Variants in MED13L observed in about 807,000 individuals in gnomAD.
MED13L encodes mediator complex subunit 13L.
A neutral mutation model predicts 220.9 loss-of-function variants in MED13L; 7 were observed. The ratio of observed to expected loss-of-function variants is 0.03; its 90% CI spans 0.02 to 0.06. The LOEUF (loss-of-function observed/expected upper bound fraction) is 0.06. MED13L is among the 10% of genes least tolerant of loss of function. The probability of loss-of-function intolerance (pLI) is 1.00; values close to 1 mark genes in which losing one functional copy is unlikely to be tolerated. For missense variants in MED13L, 1,965 were observed against 2,760.5 expected (o/e 0.71, Z 6.46); for synonymous variants, 1,011 against 1,015.2 (o/e 1.00, Z 0.08).
At position 116,019,875 on chromosome 12, in the gene MED13L, A is replaced by G; in HGVS notation, c.723T>C (p.Tyr241=). ...TCTTTTTTAGCACCATCGGGTAGAAATACTGCCATTCCTCAATCAACTTAC... is the reference window on the plus strand; with the variant it reads ...TCTTTTTTAGCACCATCGGGTAGAAGTACTGCCATTCCTCAATCAACTTAC... ...ATRKLIEEWQ[Y]FYPMVLKKKE... The change falls in exon 6 of 31, where the codon TAT becomes TAC. Residue 241 remains tyrosine (Y), a synonymous_variant. Coordinates refer to ENST00000281928, the MANE Select transcript of MED13L (RefSeq NM_015335.5). The G allele has an allele frequency of 1.9e-6, 3 of 1,613,894 alleles. No homozygotes were observed. The highest frequency in any genetic ancestry group is 1.1e-5 in the South Asian group (1 of 91,078).
At chr12:116,102,557 C>G (rs1873144460) in intron 3 of MED13L, among the ~76,000 whole-genome samples, 1 of 151,734 alleles carries the variant, frequency 6.6e-6, no homozygotes, top group South Asian at 2.1e-4. Context: ...GCTCACCATT[C>G]CAATCCAAAT....
intron 4 of MED13L, among the ~76,000 whole-genome samples, chr12:116,068,024 C>T (rs905288291): frequency 3.9e-5 from 6 of 152,184 alleles, no homozygotes; most frequent in Non-Finnish European, 8.8e-5. Flanking sequence ...TTAGATACCA[C>T]AATTGCTGAC....
intron 2 of MED13L, among the ~76,000 whole-genome samples, chr12:116,157,543 C>T (rs1258150206): frequency 6.6e-6 from 1 of 152,202 alleles, no homozygotes; most frequent in South Asian, 2.1e-4. Flanking sequence ...TCTTTGGCAA[C>T]GGTTTTGTCT....
At chr12:116,010,425 A>C (rs1275418879) in intron 9 of MED13L, among the ~76,000 whole-genome samples, 1 of 152,200 alleles carries the variant, frequency 6.6e-6, no homozygotes, top group East Asian at 1.9e-4. Flanking sequence ...TTTGAGAGAC[A>C]CTTTATGATA....
chr12:116,272,262 T>C (rs1873432500), intron 1 of MED13L, among the ~76,000 whole-genome samples: 1 of 152,122 alleles, frequency 6.6e-6, no homozygotes, highest in Non-Finnish European at 1.5e-5. Flanking sequence ...TGGTAAGGAA[T>C]ACAATTAAAA....
At chr12:116,092,152 T>C (rs938894705) in intron 4 of MED13L, among the ~76,000 whole-genome samples, 1 of 152,180 alleles carries the variant, frequency 6.6e-6, no homozygotes, top group East Asian at 1.9e-4. Flanking sequence ...TATTAACAGA[T>C]AGGCACCACA....
intron 12 of MED13L, 40 bp from the exon 13 acceptor site, chr12:116,006,033 C>A: frequency 1.2e-6 from 2 of 1,612,710 alleles, no homozygotes; most frequent in Non-Finnish European, 1.7e-6. Context: ...TAAACAACTC[C>A]ACCAAGCGCA....
At chr12:116,152,631 G>C (rs1241901362) in intron 2 of MED13L, among the ~76,000 whole-genome samples, 4 of 152,112 alleles carry the variant, frequency 2.6e-5, no homozygotes, top group South Asian at 2.1e-4. Flanking sequence ...AATGGCGTGG[G>C]GGGGAAAGCA....
intron 23 of MED13L, 81 bp downstream of exon 23, chr12:115,980,669 A>G: frequency 6.8e-7 from 1 of 1,461,012 alleles, no homozygotes; most frequent in Non-Finnish European, 9.6e-7. Context: ...GCAACCAGCC[A>G]ATCTCTGGGT....
chr12:116,242,691 C>T (rs1470716662), intron 1 of MED13L, among the ~76,000 whole-genome samples: 1 of 152,152 alleles, frequency 6.6e-6, no homozygotes. Context: ...GAGCACCATA[C>T]TAGTGACTTC....
At chr12:116,225,925 T>C in intron 2 of MED13L, among the ~76,000 whole-genome samples, 1 of 152,172 alleles carries the variant, frequency 6.6e-6, no homozygotes, top group East Asian at 1.9e-4. Context: ...AAAGAAAATA[T>C]TTTGCATATG....
At chr12:116,125,647 C>G (rs758764053) in intron 2 of MED13L, among the ~76,000 whole-genome samples, 2 of 152,090 alleles carry the variant, frequency 1.3e-5, no homozygotes, top group Non-Finnish European at 2.9e-5. Flanking sequence ...CTGTCGGTGC[C>G]CAATCCATGT....
intron 30 of MED13L, chr12:115,962,731 A>T (rs1414133827): frequency 6.4e-6 from 1 of 155,490 alleles, no homozygotes; most frequent in Non-Finnish European, 1.4e-5. Context: ...GTTCTAGTCC[A>T]TTTTTAAAAA....
chr12:116,253,753 G>GTTTTTTTTTTTT (rs746923184), intron 1 of MED13L, among the ~76,000 whole-genome samples: 3 of 76,492 alleles, frequency 3.9e-5, no homozygotes, highest in African/African-American at 5.4e-5. Context: ...GGTTTTTTTT[G>GTTTTTTTTTTTT]TTTTTTTTTT....
intron 4 of MED13L, among the ~76,000 whole-genome samples, chr12:116,032,870 G>A (rs1880937542): frequency 6.6e-6 from 1 of 152,066 alleles, no homozygotes; most frequent in Non-Finnish European, 1.5e-5. Flanking sequence ...AGATGAGGCT[G>A]AGAGTGACAG....
chr12:115,973,038 T>G (rs1287659547), intron 25 of MED13L, among the ~76,000 whole-genome samples: 1 of 152,018 alleles, frequency 6.6e-6, no homozygotes, highest in Non-Finnish European at 1.5e-5. Context: ...ACACTTTTTT[T>G]CCCCCAAATA....
chr12:116,020,840 T>C (rs1438267494), intron 5 of MED13L, among the ~76,000 whole-genome samples: 1 of 152,200 alleles, frequency 6.6e-6, no homozygotes. Context: ...TTCTAATTTT[T>C]AACAAAAACT....
At chr12:115,980,567 T>C in intron 23 of MED13L, 183 bp downstream of exon 23, 4 of 676,708 alleles carry the variant, frequency 5.9e-6, no homozygotes, top group Non-Finnish European at 7.9e-6. Flanking sequence ...TAAGCAATCC[T>C]TCCACCTCAG....
At chr12:115,975,834 A>C in intron 23 of MED13L, 96 bp from the exon 24 acceptor site, 1 of 1,127,448 alleles carries the variant, frequency 8.9e-7, no homozygotes, top group Non-Finnish European at 1.3e-6. Context: ...CACAGGGAGT[A>C]ATGGTAGTAA....
Sources: allele counts gnomAD v4.1 joint callset (sites outside exome capture counted in the v4.1 genomes callset), GRCh38; gene constraint gnomAD v4.1.1; transcripts MANE v1.5; gene names NCBI Gene and HGNC (gene_info 2026-07-23, HGNC 2026-07-21).